The following SNX1 variants were observed in gnomAD, a reference collection of about 807,000 sequenced individuals.
SNX1 encodes the protein sorting nexin-1.
SNX1 carries 36 observed loss-of-function variants against 71.8 expected under a neutral mutation model. The ratio of observed to expected loss-of-function variants is 0.50; its 90% confidence interval spans 0.38 to 0.66. The LOEUF (loss-of-function observed/expected upper bound fraction) is 0.66, where lower values mean the gene tolerates loss of function less well. SNX1 is among the 30% of genes least tolerant of loss of function. SNX1 has a pLI of 0.00. For synonymous variants in SNX1, 254 were observed against 240.7 expected (o/e 1.06, Z -0.51); for missense variants, 612 against 646.7 (o/e 0.95, Z 0.58).
chr15:64,119,185 C>T (rs955872211), intron 4 of SNX1, among the ~76,000 whole-genome samples: 2 of 152,144 alleles, frequency 1.3e-5, no homozygotes, highest in African/African-American at 4.8e-5. Flanking sequence ...GTAGCACTAT[C>T]ATAGCTCACT....
At chr15:64,123,429 C>A in intron 4 of SNX1, 74 bp from the exon 5 acceptor site, 1 of 1,301,294 alleles carries the variant, frequency 7.7e-7, no homozygotes, top group Non-Finnish European at 1.1e-6. Context: ...TTTTATGATT[C>A]CTGGTCAAAT....
intron 10 of SNX1, 71 bp from the exon 11 acceptor site, chr15:64,131,616 G>A: frequency 6.8e-7 from 1 of 1,462,694 alleles, no homozygotes; most frequent in Admixed American, 1.7e-5. Context: ...GACATGCCAT[G>A]CAGTGTCAGC....
At position 64,118,236 on chromosome 15, in the gene SNX1, T is replaced by C. The variant is rs1177151327; in HGVS notation, c.391T>C (p.Tyr131His). 1 of 1,612,768 alleles carries C rather than the reference T, an allele frequency of 6.2e-7. No homozygotes were observed. Among genetic ancestry groups the C allele is most frequent in the Non-Finnish European group, 8.5e-7 (1 of 1,179,632 alleles). ...ATNSSKPQPT[Y>H]EELEEEEQED... ...AAATTCTTCGAAGCCCCAGCCAACCTATGAGGAGGTGAGGATCTGTGCTCT... is the reference window on the plus strand; with the variant it reads ...AAATTCTTCGAAGCCCCAGCCAACCCATGAGGAGGTGAGGATCTGTGCTCT... Residue 131 changes from tyrosine (Y) to histidine (H), a missense_variant, in exon 3 of 15, where the codon TAT (tyrosine) becomes CAT (histidine). Around this residue, in one of 2 missense-constraint regions of SNX1, gnomAD observed 316 missense variants for 284.9 expected, o/e 1.11. Transcript: ENST00000559844.
At chr15:64,117,303 G>C (rs1202753970) in intron 2 of SNX1, among the ~76,000 whole-genome samples, 1 of 152,070 alleles carries the variant, frequency 6.6e-6, no homozygotes, top group South Asian at 2.1e-4. Flanking sequence ...TGCCCAGGCT[G>C]AAGTGCAGTG....
Position 64,112,535 on chromosome 15 carries a change from A to G in SNX1, c.160-38A>G, listed in dbSNP as rs370285949. The G allele has an allele frequency of 1.9e-5, 28 of 1,442,206 alleles. No individual in the cohort carries two copies. In the African/African-American group the frequency reaches 4.0e-4, roughly 21 times the overall value. The allele number at this position is 1,442,206 out of a possible 1,614,324, so 89.3% of individuals were successfully genotyped here. On this transcript the variant is annotated intron_variant, in intron 1 of 14. Coordinates refer to ENST00000559844, the MANE Select transcript of SNX1 (RefSeq NM_003099.5). ...TCTAGGCAAGTTGGGTTTGTTTTTC[A>G]TGGTAATGTTTTATTCAGAGTATCT... is the stretch of plus-strand genomic sequence containing the variant.
chr15:64,132,674 G>T (rs748390460), intron 11 of SNX1, among the ~76,000 whole-genome samples: 2 of 152,192 alleles, frequency 1.3e-5, no homozygotes, highest in Admixed American at 6.5e-5. Flanking sequence ...TTGGGATCAG[G>T]ATGTGTGAGC....
At chr15:64,100,604 CAAAAAAAAAA>C (rs34663775) in intron 1 of SNX1, among the ~76,000 whole-genome samples, 8 of 102,582 alleles carry the variant, frequency 7.8e-5, no homozygotes, top group East Asian at 4.7e-4. Flanking sequence ...AACTCCATCT[CAAAAAAAAAA>C]AAAAAAAAAA....
At chr15:64,113,542 A>T (rs1019707061) in intron 2 of SNX1, among the ~76,000 whole-genome samples, 4 of 152,220 alleles carry the variant, frequency 2.6e-5, no homozygotes, top group African/African-American at 9.6e-5. Flanking sequence ...ATCTTGGGCC[A>T]GGCACAGTGG....
At position 64,118,850 on chromosome 15, in the gene SNX1, G is replaced by C; in HGVS notation, c.462G>C (p.Lys154Asn). The C allele has an allele frequency of 6.2e-7, 1 of 1,611,938 alleles. No homozygotes were observed. Among genetic ancestry groups the C allele is most frequent in the Non-Finnish European group, 8.5e-7 (1 of 1,178,238 alleles). Residue 154 changes from lysine (K) to asparagine (N), a missense_variant, in exon 4 of 15, where the codon AAG becomes AAC. Transcript: ENST00000559844. ...CAGTCGGTATAACTGATCCTGAGAAGATAGGTAAGTGGTTCTTAGGACTCC... is the reference window on the plus strand; with the variant it reads ...CAGTCGGTATAACTGATCCTGAGAACATAGGTAAGTGGTTCTTAGGACTCC... ...DLTVGITDPE[K>N]IGDGMNAYVA... is the part of the protein sequence containing the mutation.
At chr15:64,131,579 C>T (rs2081307360) in intron 10 of SNX1, 108 bp from the exon 11 acceptor site, 2 of 997,328 alleles carry the variant, frequency 2.0e-6, no homozygotes, top group Non-Finnish European at 3.0e-6. Context: ...CCTCAGTTCC[C>T]AGATATGCAG....
Position 64,112,586 on chromosome 15 carries a change from C to A in SNX1, c.173C>A (p.Ser58Tyr). Residue 58 changes from serine to tyrosine, a missense_variant, in exon 2 of 15, where the codon TCT becomes TAT. Transcript: ENST00000559844. ...TGAAVVSKHQ[S>Y]PKITTSLLPI... is the part of the protein sequence containing the mutation. ...CTTTGTTTTCAGAGTAAACATCAGT[C>A]TCCAAAGATAACTACATCCCTTCTT... 1 of 1,606,204 alleles carries A rather than the reference C, an allele frequency of 6.2e-7. No individual in the cohort carries two copies. The highest frequency in any genetic ancestry group is 1.1e-5 in the South Asian group (1 of 90,322).
intron 10 of SNX1, among the ~76,000 whole-genome samples, chr15:64,131,006 C>T (rs1001445259): frequency 1.3e-5 from 2 of 152,146 alleles, no homozygotes; most frequent in East Asian, 1.9e-4. Flanking sequence ...TATTATTAGC[C>T]GGTCGCGGTG....
intron 11 of SNX1, among the ~76,000 whole-genome samples, chr15:64,133,988 C>T (rs2081332645): frequency 6.6e-6 from 1 of 152,138 alleles, no homozygotes; most frequent in African/African-American, 2.4e-5. Context: ...TAGCCTAGAG[C>T]AGGTGAGTGT....
intron 12 of SNX1, among the ~76,000 whole-genome samples, 155 bp from the exon 13 acceptor site, chr15:64,136,174 AC>A (rs2081357489): frequency 6.6e-6 from 1 of 152,266 alleles, no homozygotes; most frequent in East Asian, 1.9e-4. Flanking sequence ...ACTCTGACTT[AC>A]GTGTGGAATC....
At chr15:64,117,967 T>A in intron 2 of SNX1, 150 bp from the exon 3 acceptor site, 1 of 690,722 alleles carries the variant, frequency 1.4e-6, no homozygotes, top group Non-Finnish European at 2.4e-6. Context: ...CCTCCCCTTT[T>A]CTCCTTGTAA....
At chr15:64,106,745 T>C (rs2081026485) in intron 1 of SNX1, among the ~76,000 whole-genome samples, 1 of 152,118 alleles carries the variant, frequency 6.6e-6, no homozygotes, top group African/African-American at 2.4e-5. Context: ...GCTTTGAAGA[T>C]GGAAGAAGTG....
At chr15:64,122,291 T>C (rs1003412171) in intron 4 of SNX1, among the ~76,000 whole-genome samples, 1 of 152,062 alleles carries the variant, frequency 6.6e-6, no homozygotes, top group African/African-American at 2.4e-5. Context: ...CTTTTATCAG[T>C]AGTAAACATC....
chr15:64,127,148 A>G, intron 6 of SNX1, 26 bp from the exon 7 acceptor site: 1 of 1,534,260 alleles, frequency 6.5e-7, no homozygotes, highest in Non-Finnish European at 9.0e-7. Flanking sequence ...ATTTATGGTT[A>G]TTTTGCTTTT....
chr15:64,131,103 T>C (rs1481652309), intron 10 of SNX1, among the ~76,000 whole-genome samples: 2 of 152,110 alleles, frequency 1.3e-5, no homozygotes, highest in Non-Finnish European at 2.9e-5. Flanking sequence ...GCCAAGATGG[T>C]GAAACCCTGT....
Sources: gnomAD v4.1 joint callset for allele counts (sites outside exome capture counted in the v4.1 genomes callset) on GRCh38, gnomAD v4.1.1 for gene constraint, gnomAD v4.1.1 regional missense constraint, MANE v1.5 for transcripts, NCBI Gene and HGNC (gene_info 2026-07-23, HGNC 2026-07-21) for gene names.